PTPN4: variants seen among roughly 807,000 people sequenced by gnomAD.
The protein encoded by PTPN4 is protein tyrosine phosphatase non-receptor type 4, also known as tyrosine-protein phosphatase non-receptor type 4.
A neutral mutation model predicts 135.5 loss-of-function variants in PTPN4; 49 were observed. The ratio of observed to expected loss-of-function variants is 0.36; its 90% confidence interval spans 0.29 to 0.46. PTPN4 has a LOEUF of 0.46. PTPN4 is among the 20% of genes least tolerant of loss of function. The pLI is 1.00. For synonymous variants in PTPN4, 333 were observed against 369.9 expected, an observed-to-expected ratio of 0.90 and a Z score of 1.14; for missense variants, 860 against 1,101.0, an observed-to-expected ratio of 0.78 and a Z score of 3.10.
rs372643841 is a variant in PTPN4 at position 119,934,848 on chromosome 2, A to G, written c.1245A>G (p.Ser415=). The G allele has an allele frequency of 3.5e-5, 56 of 1,613,904 alleles. No individual in the cohort carries two copies. The highest frequency in any genetic ancestry group is 4.7e-5 in the Non-Finnish European group (56 of 1,179,910). The change falls in exon 15 of 27, where the codon TCA becomes TCG. Residue 415 remains serine (S), a synonymous_variant. Transcript: ENST00000263708. ...TQEGTRLRPS[S]VGHLVDHMVH... ...AAGGAACCCGGTTACGACCATCTTC[A>G]GTTGGTCATTTGGTAGACCATATGG...
rs759598128 is a variant in PTPN4 at position 119,862,532 on chromosome 2, A to G, written c.139-4A>G. The G allele has an allele frequency of 1.9e-6, 3 of 1,546,346 alleles. No homozygotes were observed. Among genetic ancestry groups the G allele is most frequent in the East Asian group, 2.3e-5 (1 of 43,828 alleles). ...TTTCATTCAATTTTTTTTTTTTTTT[A>G]CAGAAACATGATCAGGGGCAAGTCT... On this transcript the variant is annotated splice_polypyrimidine_tract_variant and splice_region_variant and intron_variant, in intron 2 of 26. Transcript: ENST00000263708.
intron 1 of PTPN4, among the ~76,000 whole-genome samples, chr2:119,780,463 A>G (rs574165362): frequency 2.0e-5 from 3 of 152,334 alleles, no homozygotes; most frequent in South Asian, 2.1e-4. Context: ...ATCAAGAGCT[A>G]CACATTGCAG....
At chr2:119,891,369 T>C (rs1420298092) in intron 9 of PTPN4, among the ~76,000 whole-genome samples, 1 of 152,118 alleles carries the variant, frequency 6.6e-6, no homozygotes, top group African/African-American at 2.4e-5. Flanking sequence ...GTTGCCCAGG[T>C]TGGAGTGCAG....
intron 1 of PTPN4, among the ~76,000 whole-genome samples, chr2:119,803,690 A>C (rs1395542612): frequency 1.3e-5 from 2 of 152,178 alleles, no homozygotes; most frequent in Non-Finnish European, 1.5e-5. Context: ...TTGGTTGTTA[A>C]GTTCTCTTAT....
In PTPN4 at chr2:119,957,057, A is replaced by G; in HGVS notation, c.2113A>G (p.Ile705Val). The change falls in exon 22 of 27, where the codon ATC becomes GTC. Residue 705 changes from isoleucine (I) to valine (V), a missense_variant. Ile to Val is a conservative substitution (Grantham distance 29). Coordinates refer to ENST00000263708, the MANE Select transcript of PTPN4 (RefSeq NM_002830.4). ...RVILKGNEDYINANYINMEIP... is the reference protein window; with the variant it reads ...RVILKGNEDYVNANYINMEIP... ...CATTTTAAAAGGTAATGAAGACTAC[A>G]TCAATGCGAACTATATAAATGTAAG... The G allele has an allele frequency of 6.2e-7, 1 of 1,609,862 alleles. No individual in the cohort carries two copies. Among genetic ancestry groups the G allele is most frequent in the South Asian group, 1.1e-5 (1 of 90,248 alleles).
chr2:119,889,935 C>T (rs1376069663), intron 9 of PTPN4, among the ~76,000 whole-genome samples: 1 of 152,190 alleles, frequency 6.6e-6, no homozygotes, highest in Non-Finnish European at 1.5e-5. Context: ...TGTGGCCAAA[C>T]ATATGGCCTA....
chr2:119,921,107 C>G (rs959008260), intron 12 of PTPN4, among the ~76,000 whole-genome samples: 1 of 151,888 alleles, frequency 6.6e-6, no homozygotes, highest in East Asian at 1.9e-4. Context: ...ATGGTGAAAC[C>G]CCGTCTCTAC....
intron 26 of PTPN4, among the ~76,000 whole-genome samples, chr2:119,970,182 C>A (rs1197240335): frequency 6.6e-6 from 1 of 152,100 alleles, no homozygotes; most frequent in Non-Finnish European, 1.5e-5. Flanking sequence ...GCCTCAGCCT[C>A]CCGAGTAGCT....
At position 119,965,532 on chromosome 2, in the gene PTPN4, C is replaced by T; in HGVS notation, c.2445C>T (p.Tyr815=). ...NESRPLTQIQ[Y]IAWPDHGVPD... is the part of the protein sequence containing the mutation. ...GTCGTCCACTCACTCAGATCCAGTA[C>T]ATAGCCTGGCCTGACCATGGAGTCC... is the stretch of plus-strand genomic sequence containing the variant. Residue 815 remains tyrosine, a synonymous_variant, in exon 25 of 27, where the codon TAC becomes TAT. Transcript: ENST00000263708. 6.2e-7 allele frequency: 1 copy of T among 1,613,394 alleles called. No individual in the cohort carries two copies. Among genetic ancestry groups the T allele is most frequent in the Non-Finnish European group, 8.5e-7 (1 of 1,179,412 alleles).
chr2:119,879,087 C>T (rs1437433730), intron 5 of PTPN4, among the ~76,000 whole-genome samples: 11 of 134,890 alleles, frequency 8.2e-5, no homozygotes, highest in South Asian at 2.5e-4. Flanking sequence ...AGTGAGACTC[C>T]GTCTGAAAAA....
chr2:119,781,727 T>C (rs772355428), intron 1 of PTPN4, among the ~76,000 whole-genome samples: 1 of 152,192 alleles, frequency 6.6e-6, no homozygotes, highest in Non-Finnish European at 1.5e-5. Flanking sequence ...AAATTCAGAC[T>C]TCAATATCTG....
chr2:119,808,276 G>C (rs1286280016), intron 1 of PTPN4, among the ~76,000 whole-genome samples: 1 of 152,144 alleles, frequency 6.6e-6, no homozygotes, highest in Non-Finnish European at 1.5e-5. Flanking sequence ...AGGAAAAGAG[G>C]AAGTCAAATT....
intron 22 of PTPN4, among the ~76,000 whole-genome samples, chr2:119,958,328 TAA>T (rs35243850): frequency 6.7e-5 from 9 of 134,802 alleles, no homozygotes; most frequent in African/African-American, 8.3e-5. Flanking sequence ...AAGACCCGTC[TAA>T]AAAAAAAAAA....
At chr2:119,896,008 C>A (rs565828852) in intron 9 of PTPN4, among the ~76,000 whole-genome samples, 1 of 151,904 alleles carries the variant, frequency 6.6e-6, no homozygotes, top group South Asian at 2.1e-4. Flanking sequence ...GTTAGAACAT[C>A]TGTTCATATT....
At chr2:119,790,070 A>C (rs59423169) in intron 1 of PTPN4, among the ~76,000 whole-genome samples, 41,219 of 151,944 alleles carry the variant, frequency 0.27, 5,663 homozygotes, top group South Asian at 0.33. Flanking sequence ...TGGTTGAATA[A>C]CATACTTTGC....
Position 119,930,603 on chromosome 2 carries a change from A to G in PTPN4, c.1071-1821A>G, listed in dbSNP as rs890560377. Among the ~76,000 whole-genome samples, 9 of 152,226 alleles carry G rather than the reference A, an allele frequency of 5.9e-5. No individual in the cohort carries two copies. The South Asian group carries it at 1.9e-3, about 32-fold the overall frequency. ...CCTTATCATTATTTTAATGCTTCCTACTGTACACATAATAACAATTTGTTC... is the reference window on the plus strand; with the variant it reads ...CCTTATCATTATTTTAATGCTTCCTGCTGTACACATAATAACAATTTGTTC... On this transcript the variant is annotated intron_variant, in intron 13 of 26. Transcript: ENST00000263708.
chr2:119,901,030 A>G (rs1016565910), intron 10 of PTPN4, among the ~76,000 whole-genome samples: 1 of 152,198 alleles, frequency 6.6e-6, no homozygotes, highest in African/African-American at 2.4e-5. Context: ...CTTTTATGGA[A>G]TTTTTGAAAG....
At chr2:119,960,694 A>G (rs1333471415) in intron 22 of PTPN4, 113 bp from the exon 23 acceptor site, 1 of 888,422 alleles carries the variant, frequency 1.1e-6, no homozygotes, top group Non-Finnish European at 1.6e-6. Flanking sequence ...TACTGACGGC[A>G]GTTTATTGAG....
At chr2:119,765,797 A>G (rs575888230) in intron 1 of PTPN4, among the ~76,000 whole-genome samples, 1 of 152,354 alleles carries the variant, frequency 6.6e-6, no homozygotes, top group African/African-American at 2.4e-5. Flanking sequence ...AGAACAGCAT[A>G]TAGAAAAAGT....
Sources: allele counts gnomAD v4.1 joint callset (sites outside exome capture counted in the v4.1 genomes callset), GRCh38; gene constraint gnomAD v4.1.1; transcripts MANE v1.5; gene names NCBI Gene and HGNC (gene_info 2026-07-23, HGNC 2026-07-21).